Variants in CSMD1 observed in about 807,000 individuals in gnomAD.
The protein encoded by CSMD1 is CUB and Sushi multiple domains 1.
A neutral mutation model predicts 417.5 loss-of-function variants in CSMD1; 213 were observed. The ratio of observed to expected loss-of-function variants is 0.51; its 90% confidence interval spans 0.46 to 0.57. The LOEUF (loss-of-function observed/expected upper bound fraction) is 0.57, where lower values mean the gene tolerates loss of function less well. CSMD1 is among the 20% of genes least tolerant of loss of function. The pLI, the probability that CSMD1 is intolerant of heterozygous loss-of-function variation, is 0.00. For synonymous variants in CSMD1, 2,862 were observed against 1,736.8 expected (o/e 1.65, Z -16.11); for missense variants, 6,923 against 4,529.7 (o/e 1.53, Z -15.17).
intron 7 of CSMD1, among the ~76,000 whole-genome samples, chr8:3,668,730 G>A (rs1220794312): frequency 1.3e-5 from 2 of 152,210 alleles, no homozygotes; most frequent in African/African-American, 4.8e-5. Context: ...GGGAGCTCAG[G>A]AGGGGCCAAC....
At chr8:3,919,020 C>T (rs1030684018) in intron 5 of CSMD1, among the ~76,000 whole-genome samples, 5 of 151,762 alleles carry the variant, frequency 3.3e-5, no homozygotes, top group African/African-American at 1.2e-4. Flanking sequence ...TCCAGAAACA[C>T]CTATGGAAAT....
intron 1 of CSMD1, among the ~76,000 whole-genome samples, chr8:4,695,626 T>C (rs555390843): frequency 6.6e-6 from 1 of 152,256 alleles, no homozygotes; most frequent in East Asian, 1.9e-4. Flanking sequence ...ATTCTCAACA[T>C]ACGCCACCAA....
intron 1 of CSMD1, among the ~76,000 whole-genome samples, chr8:4,808,933 T>C (rs1470469810): frequency 6.6e-6 from 1 of 152,222 alleles, no homozygotes; most frequent in Non-Finnish European, 1.5e-5. Context: ...GGGTCAGAGA[T>C]AGAAATCATT....
intron 5 of CSMD1, among the ~76,000 whole-genome samples, chr8:3,868,041 C>T (rs1291556140): frequency 1.3e-5 from 2 of 152,140 alleles, no homozygotes; most frequent in Admixed American, 6.5e-5. Context: ...TGGCCCTGCA[C>T]CCTGATCTGT....
chr8:3,023,916 A>C (rs1809648993), intron 51 of CSMD1, among the ~76,000 whole-genome samples: 1 of 151,892 alleles, frequency 6.6e-6, no homozygotes, highest in African/African-American at 2.4e-5. Context: ...GGGTGATGCT[A>C]CCCTTGAAGA....
At chr8:4,224,842 G>A (rs1446178367) in intron 3 of CSMD1, among the ~76,000 whole-genome samples, 2 of 152,194 alleles carry the variant, frequency 1.3e-5, no homozygotes, top group Admixed American at 1.3e-4. Context: ...GGGCGCTGTG[G>A]CTCACGCCTG....
intron 3 of CSMD1, among the ~76,000 whole-genome samples, chr8:4,051,362 C>T (rs1798415786): frequency 6.6e-6 from 1 of 151,682 alleles, no homozygotes; most frequent in Non-Finnish European, 1.5e-5. Context: ...GCTTCTTTCA[C>T]TGTTGGCATG....
intron 3 of CSMD1, among the ~76,000 whole-genome samples, chr8:4,416,452 A>G (rs992020486): frequency 1.3e-5 from 2 of 152,094 alleles, no homozygotes; most frequent in African/African-American, 4.8e-5. Context: ...TTGAAATTAT[A>G]TTCATAATAA....
intron 50 of CSMD1, among the ~76,000 whole-genome samples, chr8:3,046,230 G>T (rs994379021): frequency 1.3e-5 from 2 of 152,168 alleles, no homozygotes; most frequent in Non-Finnish European, 2.9e-5. Flanking sequence ...GGGGTTTCAG[G>T]CGCTCAGGTG....
At chr8:4,477,122 G>A (rs948920965) in intron 2 of CSMD1, among the ~76,000 whole-genome samples, 3 of 152,188 alleles carry the variant, frequency 2.0e-5, no homozygotes, top group African/African-American at 7.2e-5. Context: ...TGTCTCTTAA[G>A]AGTCACAGTT....
intron 1 of CSMD1, among the ~76,000 whole-genome samples, chr8:4,983,010 C>T (rs1408474497): frequency 6.6e-6 from 1 of 152,142 alleles, no homozygotes; most frequent in Non-Finnish European, 1.5e-5. Context: ...CAATTGAAGG[C>T]TGGCATATCT....
chr8:3,912,986 A>G (rs577672081), intron 5 of CSMD1, among the ~76,000 whole-genome samples: 1 of 152,288 alleles, frequency 6.6e-6, no homozygotes, highest in South Asian at 2.1e-4. Flanking sequence ...AGGAAGACAC[A>G]GGAAAGCCTA....
chr8:3,276,146 C>T (rs965089756), intron 26 of CSMD1, among the ~76,000 whole-genome samples: 8 of 152,140 alleles, frequency 5.3e-5, no homozygotes, highest in African/African-American at 1.9e-4. Context: ...TTCCTTCTAA[C>T]AGTCAGGACC....
At chr8:4,795,215 C>A (rs146443149) in intron 1 of CSMD1, among the ~76,000 whole-genome samples, 3 of 137,952 alleles carry the variant, frequency 2.2e-5, no homozygotes, top group Admixed American at 7.5e-5. Context: ...TATTGAGGTG[C>A]AATCAGAACA....
intron 5 of CSMD1, among the ~76,000 whole-genome samples, chr8:3,919,203 A>G (rs1179587269): frequency 2.7e-5 from 4 of 150,366 alleles, no homozygotes; most frequent in Admixed American, 1.3e-4. Context: ...AAAAAAAAAA[A>G]AAAAAAAGAA....
chr8:3,791,516 T>G (rs529622125), intron 5 of CSMD1, among the ~76,000 whole-genome samples: 1 of 152,210 alleles, frequency 6.6e-6, no homozygotes. Context: ...AACAAGGGTA[T>G]GGACAATTTT....
At chr8:4,333,680 C>T (rs10108725) in intron 3 of CSMD1, among the ~76,000 whole-genome samples, 30,191 of 151,908 alleles carry the variant, frequency 0.2, 3,285 homozygotes, top group South Asian at 0.38. Context: ...TGCTTTTCTA[C>T]GATACCATTT....
intron 4 of CSMD1, among the ~76,000 whole-genome samples, chr8:4,021,622 G>C (rs1563327809): frequency 6.6e-6 from 1 of 152,116 alleles, no homozygotes; most frequent in Non-Finnish European, 1.5e-5. Flanking sequence ...ATCACATGTA[G>C]CTGCTCTTTT....
At chr8:3,213,461 C>T (rs981226856) in intron 30 of CSMD1, among the ~76,000 whole-genome samples, 8 of 152,136 alleles carry the variant, frequency 5.3e-5, no homozygotes, top group Admixed American at 5.2e-4. Context: ...CCCTCCCACT[C>T]TTCCCAGTTC....
Sources: allele counts gnomAD v4.1 joint callset (sites outside exome capture counted in the v4.1 genomes callset), GRCh38; gene constraint gnomAD v4.1.1; transcripts MANE v1.5; gene names NCBI Gene and HGNC (gene_info 2026-07-23, HGNC 2026-07-21).